The following PCDHGA1 variants were observed in gnomAD, a reference collection of about 807,000 sequenced individuals.
PCDHGA1 encodes the protein protocadherin gamma-A1.
In PCDHGA1, 32 loss-of-function variants were observed where a neutral mutation model predicts 58.0. That is an observed-to-expected ratio of 0.55 (90% CI 0.42 to 0.74). PCDHGA1 has a LOEUF of 0.74. Ranked by LOEUF, PCDHGA1 falls within the 30% of genes least tolerant of loss-of-function variation. PCDHGA1 has a pLI of 0.00. For missense variants in PCDHGA1, 1,205 were observed against 1,182.3 expected (o/e 1.02, Z -0.28); for synonymous variants, 498 against 501.1 (o/e 0.99, Z 0.08).
At chr5:141,437,778 G>C (rs750813139) in intron 1 of PCDHGA1, among the ~76,000 whole-genome samples, 1 of 146,836 alleles carries the variant, frequency 6.8e-6, no homozygotes, top group Non-Finnish European at 1.5e-5. Flanking sequence ...TCAATCTGTC[G>C]CCAAGCTGGA....
At chr5:141,339,351 A>G (rs1756828822) in intron 1 of PCDHGA1, 2 of 1,614,132 alleles carry the variant, frequency 1.2e-6, no homozygotes, top group African/African-American at 2.7e-5. Flanking sequence ...ACAGATATTA[A>G]CGATAATGCC....
chr5:141,496,276 G>C (rs1189269883), intron 2 of PCDHGA1, among the ~76,000 whole-genome samples: 1 of 152,204 alleles, frequency 6.6e-6, no homozygotes, highest in Admixed American at 6.5e-5. Flanking sequence ...AAGACCTTCA[G>C]TTGGTCTGAG....
At chr5:141,423,750 T>TGGGG (rs144521096) in intron 1 of PCDHGA1, 28 of 288,222 alleles carry the variant, frequency 9.7e-5, no homozygotes, top group Non-Finnish European at 1.2e-4. Flanking sequence ...GAAAACTGTT[T>TGGGG]GGGGGGGGGG....
At chr5:141,499,300 C>G (rs2154592463) in intron 2 of PCDHGA1, among the ~76,000 whole-genome samples, 1 of 152,292 alleles carries the variant, frequency 6.6e-6, no homozygotes, top group South Asian at 2.1e-4. Context: ...ACTACCATCC[C>G]TCCTCTGAGA....
At chr5:141,461,820 A>AT (rs1458631685) in intron 1 of PCDHGA1, among the ~76,000 whole-genome samples, 5 of 147,814 alleles carry the variant, frequency 3.4e-5, no homozygotes, top group African/African-American at 7.5e-5. Context: ...CACCCAGCTA[A>AT]TTTTTTTTTC....
chr5:141,379,251 C>T (rs569528172), intron 1 of PCDHGA1: 1 of 152,224 alleles, frequency 6.6e-6, no homozygotes, highest in African/African-American at 2.4e-5. Flanking sequence ...GTGGTATTTA[C>T]ATTTAAGGAA....
intron 1 of PCDHGA1, chr5:141,408,226 G>T (rs909432449): frequency 2.1e-5 from 33 of 1,562,288 alleles, no homozygotes; most frequent in Admixed American, 3.9e-5. Flanking sequence ...GCGCGCAGAG[G>T]CGCCGGGCCG....
intron 1 of PCDHGA1, chr5:141,478,834 A>G: frequency 7.0e-7 from 1 of 1,427,896 alleles, no homozygotes; most frequent in Non-Finnish European, 9.2e-7. Context: ...TTGCTAAGGG[A>G]TGGTTAAGCT....
intron 1 of PCDHGA1, chr5:141,360,769 C>T (rs1427744238): frequency 6.2e-7 from 1 of 1,613,942 alleles, no homozygotes; most frequent in African/African-American, 1.3e-5. Flanking sequence ...TCAATTGGTC[C>T]TCACAGCTGT....
intron 1 of PCDHGA1, chr5:141,352,508 C>T (rs774085547): frequency 1.2e-6 from 2 of 1,614,022 alleles, no homozygotes; most frequent in Non-Finnish European, 8.5e-7. Flanking sequence ...TTCCTACAAT[C>T]TATGTATTGC....
At chr5:141,433,546 T>C (rs1317735935) in intron 1 of PCDHGA1, among the ~76,000 whole-genome samples, 1 of 152,090 alleles carries the variant, frequency 6.6e-6, no homozygotes, top group Non-Finnish European at 1.5e-5. Context: ...TATCAGATAT[T>C]CTTTTCTGGC....
rs760790964 is a variant in PCDHGA1, at chr5:141,374,159, G to T, written c.2421+41054G>T. The T allele has an allele frequency of 2.7e-5, 44 of 1,612,170 alleles. No homozygotes were observed. Among genetic ancestry groups the T allele is most frequent in the Non-Finnish European group, 3.4e-5 (40 of 1,179,004 alleles). ...CACGCTCCTGGGGACGCTGTGGGGG[G>T]CCGCGGCAGCGCAGATCCGCTACTC... On this transcript the variant is annotated intron_variant, in intron 1 of 3. Transcript: ENST00000517417.
intron 1 of PCDHGA1, chr5:141,343,200 C>T (rs1757267113): frequency 6.0e-6 from 4 of 665,208 alleles, no homozygotes; most frequent in Non-Finnish European, 7.4e-6. Flanking sequence ...TGTCTGATGC[C>T]TAATTATGTG....
At chr5:141,393,503 G>C (rs2092782893) in intron 1 of PCDHGA1, 1 of 1,614,028 alleles carries the variant, frequency 6.2e-7, no homozygotes, top group Non-Finnish European at 8.5e-7. Flanking sequence ...GCATCCACGT[G>C]ACAGTGTTGG....
At position 141,383,836 on chromosome 5, in the gene PCDHGA1, G is replaced by T. The variant is rs753167153; in HGVS notation, c.2421+50731G>T. On this transcript the variant is annotated intron_variant, in intron 1 of 3. Coordinates refer to ENST00000517417, the MANE Select transcript of PCDHGA1 (RefSeq NM_018912.3). ...AGAAGGATTAGATTATGAAGAAACT[G>T]CCTTCTATGAAATGGAGGTTCAGGC... 7 of 1,613,756 alleles carry T rather than the reference G, an allele frequency of 4.3e-6. No individual in the cohort carries two copies. The South Asian group carries it at 5.5e-5, about 13-fold the overall frequency.
chr5:141,360,524 C>A (rs750300207), intron 1 of PCDHGA1: 2 of 1,613,860 alleles, frequency 1.2e-6, no homozygotes, highest in Non-Finnish European at 8.5e-7. Flanking sequence ...AATGATAATA[C>A]CCCGCTATTC....
At chr5:141,498,231 A>T (rs1213697084) in intron 2 of PCDHGA1, among the ~76,000 whole-genome samples, 1 of 152,268 alleles carries the variant, frequency 6.6e-6, no homozygotes, top group East Asian at 1.9e-4. Flanking sequence ...ATGGTCAGGC[A>T]TACCAGCTTC....
chr5:141,339,608 G>A (rs1233902652), intron 1 of PCDHGA1: 2 of 1,614,190 alleles, frequency 1.2e-6, no homozygotes, highest in Admixed American at 1.7e-5. Flanking sequence ...CCTCGTTCTC[G>A]TGGCTTCTGA....
chr5:141,360,700 C>T lies in PCDHGA1; in HGVS notation c.2421+27595C>T, dbSNP rs532971055. The T allele has an allele frequency of 1.2e-5, 19 of 1,613,916 alleles. No individual in the cohort carries two copies. The South Asian group carries it at 2.0e-4, about 17-fold the overall frequency. Reference sequence around the variant, plus strand: ...CGCTGAGAAACAGACTCCAGATGGTCGTAAATATCCTGAGTTGATTCTAAA... The same window carrying T: ...CGCTGAGAAACAGACTCCAGATGGTTGTAAATATCCTGAGTTGATTCTAAA... On this transcript the variant is annotated intron_variant, in intron 1 of 3. Coordinates refer to ENST00000517417, the MANE Select transcript of PCDHGA1 (RefSeq NM_018912.3).
Sources: allele counts gnomAD v4.1 joint callset (sites outside exome capture counted in the v4.1 genomes callset), GRCh38; gene constraint gnomAD v4.1.1; transcripts MANE v1.5; gene names NCBI Gene and HGNC (gene_info 2026-07-23, HGNC 2026-07-21).